Variants in TINAGL1 observed in about 807,000 individuals in gnomAD.
TINAGL1 encodes tubulointerstitial nephritis antigen like 1, also known as tubulointerstitial nephritis antigen-like.
A neutral mutation model predicts 62.0 loss-of-function variants in TINAGL1; 34 were observed. The ratio of observed to expected loss-of-function variants is 0.55; its 90% CI spans 0.42 to 0.73. The LOEUF (loss-of-function observed/expected upper bound fraction) is 0.73. TINAGL1 is among the 30% of genes least tolerant of loss of function. The pLI, the probability that TINAGL1 is intolerant of heterozygous loss-of-function variation, is 0.00. For synonymous variants in TINAGL1, 221 were observed against 249.7 expected, an observed-to-expected ratio of 0.88 and a Z score of 1.08; for missense variants, 516 against 653.2, an observed-to-expected ratio of 0.79 and a Z score of 2.29.
Position 31,577,000 on chromosome 1 carries a change from T to G in TINAGL1, c.-15-134T>G. On this transcript the variant is annotated intron_variant, in intron 1 of 11. Coordinates refer to ENST00000271064, the MANE Select transcript of TINAGL1 (RefSeq NM_022164.3). This position sits in a 1 kb window ranked among gnomAD's most constrained non-coding sequence, Gnocchi z 5.1. ...CCACACACTGGGGCTCCTCTGCCCG[T>G]GTCCTGCCTGGGGACTCAGGAATCG... The G allele has an allele frequency of 3.8e-6, 3 of 795,488 alleles. No homozygotes were observed. Among genetic ancestry groups the G allele is most frequent in the Non-Finnish European group, 5.7e-6 (3 of 523,812 alleles). The allele number at this position is 795,488 out of a possible 1,614,324, so 49.3% of individuals were successfully genotyped here. A position where few individuals can be genotyped will look rare whatever the true frequency, so the allele number is the denominator to read the frequency against.
intron 3 of TINAGL1, among the ~76,000 whole-genome samples, chr1:31,582,565 G>C (rs567382924): frequency 6.6e-6 from 1 of 152,256 alleles, no homozygotes; most frequent in East Asian, 1.9e-4. Context: ...GGTCACTCTG[G>C]CAGCTGTGTT....
rs775764005 is a variant in TINAGL1 at position 31,584,806 on chromosome 1, G to A, written c.706+5G>A. ...CCTGGGCCTTCTCCACAGCAGGTAA[G>A]CCAAGGGCAAGGGCTGGCGCCTGGG... is the stretch of plus-strand genomic sequence containing the variant. On this transcript the variant is annotated splice_donor_5th_base_variant and intron_variant, in intron 6 of 11. Transcript: ENST00000271064. This position sits in a 1 kb window ranked among gnomAD's most constrained non-coding sequence, Gnocchi z 4.0. 6.2e-7 allele frequency: 1 copy of A among 1,614,150 alleles called. No individual in the cohort carries two copies. The highest frequency in any genetic ancestry group is 8.5e-7 in the Non-Finnish European group (1 of 1,180,050).
chr1:31,578,441 G>C (rs1305064072), intron 2 of TINAGL1, among the ~76,000 whole-genome samples: 9 of 148,114 alleles, frequency 6.1e-5, no homozygotes, highest in Non-Finnish European at 1.2e-4. Context: ...GCTGGTGTGT[G>C]TGTGTGTGTG....
rs1264472205 is a variant in TINAGL1 at position 31,583,907 on chromosome 1, G to A, written c.582+332G>A. On this transcript the variant is annotated intron_variant, in intron 5 of 11. Coordinates refer to ENST00000271064, the MANE Select transcript of TINAGL1 (RefSeq NM_022164.3). The surrounding 1 kb of genome is among the most constrained non-coding windows in gnomAD (Gnocchi z 4.4). Reference sequence around the variant, plus strand: ...TCACCTTGGTATTTTGGGAAGGGAAGGACACACACTCCTCCAGTTCTGGCC... The same window carrying A: ...TCACCTTGGTATTTTGGGAAGGGAAAGACACACACTCCTCCAGTTCTGGCC... 7.4e-6 allele frequency: 2 copies of A among 270,730 alleles called. No homozygotes were observed. Among genetic ancestry groups the A allele is most frequent in the Non-Finnish European group, 1.4e-5 (2 of 140,586 alleles). 16.8% of individuals were successfully genotyped at this position (270,730 alleles called of 1,614,324 possible). A position where few individuals can be genotyped will look rare whatever the true frequency, so the allele number is the denominator to read the frequency against.
At chr1:31,579,031 T>G in intron 2 of TINAGL1, among the ~76,000 whole-genome samples, 173 bp from the exon 3 acceptor site, 1 of 150,908 alleles carries the variant, frequency 6.6e-6, no homozygotes. Context: ...TGTGATGTCT[T>G]CAGTTATAGT....
At chr1:31,579,553 C>T (rs1343199760) in intron 3 of TINAGL1, among the ~76,000 whole-genome samples, 1 of 151,888 alleles carries the variant, frequency 6.6e-6, no homozygotes, top group Non-Finnish European at 1.5e-5. Flanking sequence ...GGCTATTCCT[C>T]CCAGCTATTC....
rs1570222650 is a variant in TINAGL1 at position 31,586,764 on chromosome 1, G to A, written c.1263+9G>A. On this transcript the variant is annotated intron_variant, in intron 11 of 11. Transcript: ENST00000271064. ...GGACGCTCAAATACTGGGTGAGGCC[G>A]CTGACCCTTTCCCCGCCCCCTCTTC... 1 of 1,552,312 alleles carries A rather than the reference G, an allele frequency of 6.4e-7. No homozygotes were observed. Among genetic ancestry groups the A allele is most frequent in the East Asian group, 2.4e-5 (1 of 40,998 alleles).
rs1339000712 is a variant in TINAGL1, at chr1:31,583,737, C to T, written c.582+162C>T. On this transcript the variant is annotated intron_variant, in intron 5 of 11. Coordinates refer to ENST00000271064, the MANE Select transcript of TINAGL1 (RefSeq NM_022164.3). The surrounding 1 kb of genome is among the most constrained non-coding windows in gnomAD (Gnocchi z 4.4). ...CCCTTCTCTGGGCCTCTGTTCCCTGCTTCCACAGGATGTGCTGTGCTGGAA... is the reference window on the plus strand; with the variant it reads ...CCCTTCTCTGGGCCTCTGTTCCCTGTTTCCACAGGATGTGCTGTGCTGGAA... 2 of 642,212 alleles carry T rather than the reference C, an allele frequency of 3.1e-6. No individual in the cohort carries two copies. Among genetic ancestry groups the T allele is most frequent in the African/African-American group, 3.6e-5 (2 of 55,128 alleles). 39.8% of individuals were successfully genotyped at this position (642,212 alleles called of 1,614,324 possible).
chr1:31,580,158 A>G (rs1639179219), intron 3 of TINAGL1: 2 of 758,938 alleles, frequency 2.6e-6, no homozygotes, highest in African/African-American at 2.7e-5. Context: ...TGAGGGGTTA[A>G]TGCGCTCTCT....
At chr1:31,586,796 C>A in intron 11 of TINAGL1, 41 bp downstream of exon 11, 1 of 1,548,690 alleles carries the variant, frequency 6.5e-7, no homozygotes, top group Non-Finnish European at 8.7e-7. Flanking sequence ...CTTCCCCTCG[C>A]CCCACTCCCA....
rs1639381677 is a variant in TINAGL1 at position 31,585,982 on chromosome 1, CTCA to C, written c.1217+111_1217+113del. 2 of 1,366,292 alleles carry C rather than the reference CTCA, an allele frequency of 1.5e-6. No individual in the cohort carries two copies. The highest frequency in any genetic ancestry group is 6.0e-5 in the Admixed American group (2 of 33,262). 84.6% of individuals were successfully genotyped at this position (1,366,292 alleles called of 1,614,324 possible). A position where few individuals can be genotyped will look rare whatever the true frequency, so the allele number is the denominator to read the frequency against. On this transcript the variant is annotated intron_variant, in intron 10 of 11. Coordinates refer to ENST00000271064, the MANE Select transcript of TINAGL1 (RefSeq NM_022164.3). The surrounding 1 kb of genome is among the most constrained non-coding windows in gnomAD (Gnocchi z 4.3). ...ACCTCTCTAAAAAGCCAGGACTGCT[CTCA>C]TCATTTCAATAGGGAGAAAACTGAG...
intron 10 of TINAGL1, 158 bp downstream of exon 10, chr1:31,586,034 C>T: frequency 9.2e-7 from 1 of 1,088,026 alleles, no homozygotes; most frequent in Non-Finnish European, 1.2e-6. Flanking sequence ...AAGGACTTGC[C>T]CTGGGTCGAA....
Position 31,583,373 on chromosome 1 carries a change from C to A in TINAGL1, c.468-88C>A. The stretch of plus-strand genomic sequence containing the variant: ...ATTTGACTGTGTGTGCGCTCAGCCA[C>A]TGTGCGTCTCTCCCACCCACATGCA... On this transcript the variant is annotated intron_variant, in intron 4 of 11. Transcript: ENST00000271064. The surrounding 1 kb of genome is among the most constrained non-coding windows in gnomAD (Gnocchi z 4.4). 1 of 1,464,964 alleles carries A rather than the reference C, an allele frequency of 6.8e-7. No homozygotes were observed. The highest frequency in any genetic ancestry group is 9.4e-7 in the Non-Finnish European group (1 of 1,058,650). The allele number at this position is 1,464,964 out of a possible 1,614,324, so 90.7% of individuals were successfully genotyped here. A position where few individuals can be genotyped will look rare whatever the true frequency, so the allele number is the denominator to read the frequency against.
chr1:31,586,248 G>C, intron 10 of TINAGL1: 1 of 305,286 alleles, frequency 3.3e-6, no homozygotes, highest in Non-Finnish European at 6.1e-6. Context: ...AGGGAATATA[G>C]ATGTTAGGAT....
Position 31,579,261 on chromosome 1 carries a change from AC to A in TINAGL1, c.370del (p.Arg124ValfsTer23), listed in dbSNP as rs1246066843. ...TTGGGAACGTACTGGGACAACTGTAACCGTTGGTGAGTGTTTGGAGCTTAGA... is the reference window on the plus strand; with the variant it reads ...TTGGGAACGTACTGGGACAACTGTAACGTTGGTGAGTGTTTGGAGCTTAGA... ...PVLGTYWDNC[N>X]RCTCQENRQW... On this transcript the variant is annotated frameshift_variant, in exon 3 of 12. Coordinates refer to ENST00000271064, the MANE Select transcript of TINAGL1 (RefSeq NM_022164.3). LOFTEE classifies it high-confidence loss of function. The A allele has an allele frequency of 6.2e-7, 1 of 1,613,950 alleles. No homozygotes were observed. Among genetic ancestry groups the A allele is most frequent in the South Asian group, 1.1e-5 (1 of 91,070 alleles).
At position 31,577,695 on chromosome 1, in the gene TINAGL1, T is replaced by A; in HGVS notation, c.310+237T>A. The A allele has an allele frequency of 1.8e-6, 1 of 553,356 alleles. No homozygotes were observed. The highest frequency in any genetic ancestry group is 3.1e-5 in the East Asian group (1 of 32,724). 34.3% of individuals were successfully genotyped at this position (553,356 alleles called of 1,614,324 possible). A position where few individuals can be genotyped will look rare whatever the true frequency, so the allele number is the denominator to read the frequency against. On this transcript the variant is annotated intron_variant, in intron 2 of 11. Transcript: ENST00000271064. This position sits in a 1 kb window ranked among gnomAD's most constrained non-coding sequence, Gnocchi z 5.4. ...TCCCACATTTTCTCCCAATCCTGTC[T>A]CTTTTCCAGACACGGAAGGTGCTGG... is the stretch of plus-strand genomic sequence containing the variant.
intron 3 of TINAGL1, among the ~76,000 whole-genome samples, chr1:31,581,112 TAGCTGG>T (rs1466796913): frequency 6.6e-6 from 1 of 152,218 alleles, no homozygotes. Context: ...GAGCTCATTT[TAGCTGG>T]AGCTGGGGTA....
At chr1:31,580,093 G>A (rs1639177057) in intron 3 of TINAGL1, among the ~76,000 whole-genome samples, 1 of 149,610 alleles carries the variant, frequency 6.7e-6, no homozygotes, top group Non-Finnish European at 1.5e-5. Context: ...GTGTTCAAAA[G>A]GATAAAACAT....
rs1010510746 is a variant in TINAGL1, at chr1:31,587,173, G to A, written c.*194G>A. The A allele has an allele frequency of 1.2e-6, 1 of 847,944 alleles. No individual in the cohort carries two copies. Among genetic ancestry groups the A allele is most frequent in the Admixed American group, 4.3e-5 (1 of 23,410 alleles). 52.5% of individuals were successfully genotyped at this position (847,944 alleles called of 1,614,324 possible). ...GCCGCGGGCAGGCGAGACTGGCGGA[G>A]CCCCCAGACCTCCCAGTGGGGACGG... On this transcript the variant is annotated 3_prime_UTR_variant, in exon 12 of 12. Coordinates refer to ENST00000271064, the MANE Select transcript of TINAGL1 (RefSeq NM_022164.3).
Sources: gnomAD v4.1 joint callset for allele counts (sites outside exome capture counted in the v4.1 genomes callset) on GRCh38, gnomAD v4.1.1 for gene constraint, Gnocchi (gnomAD v3.1) non-coding constraint, MANE v1.5 for transcripts, NCBI Gene and HGNC (gene_info 2026-07-23, HGNC 2026-07-21) for gene names.